Variants in SLC5A4 observed in about 807,000 individuals in gnomAD.
SLC5A4 encodes the protein probable glucose sensor protein SLC5A4.
SLC5A4 carries 55 observed loss-of-function variants against 70.3 expected under a neutral mutation model. The ratio of observed to expected loss-of-function variants is 0.78; its 90% CI spans 0.63 to 0.98. The LOEUF is 0.98. SLC5A4 is among the 50% of genes least tolerant of loss of function. The pLI is 0.00. For missense variants in SLC5A4, 735 were observed against 839.2 expected, an observed-to-expected ratio of 0.88 and a Z score of 1.53; for synonymous variants, 268 against 305.7, an observed-to-expected ratio of 0.88 and a Z score of 1.29.
At chr22:32,244,717 T>C (rs889690426) in intron 5 of SLC5A4, among the ~76,000 whole-genome samples, 1 of 152,028 alleles carries the variant, frequency 6.6e-6, no homozygotes, top group African/African-American at 2.4e-5. Flanking sequence ...TTGGTAGAGA[T>C]AAGGGTCTCA....
In SLC5A4 at chr22:32,224,267, A is replaced by C; in HGVS notation, c.1665T>G (p.His555Gln). 7.5e-6 allele frequency: 12 copies of C among 1,604,668 alleles called. No individual in the cohort carries two copies. The highest frequency in any genetic ancestry group is 9.4e-6 in the Non-Finnish European group (11 of 1,171,556). ...CATGTATTCATTACTCATCACTCAC[A>C]TGTACATCAGGAATGGGTTTTGTTA... The part of the protein sequence containing the change: ...SLLTKPIPDV[H>Q]LYRLCWVLRN... The change falls in exon 13 of 15, where the codon CAT becomes CAG. Residue 555 changes from histidine to glutamine, a missense_variant and splice_region_variant. His to Gln is a conservative substitution (Grantham distance 24, BLOSUM62 0). Transcript: ENST00000266086.
rs1465568086 is a variant in SLC5A4, at chr22:32,225,636, T to G, written c.1449+19A>C. 1 of 1,558,860 alleles carries G rather than the reference T, an allele frequency of 6.4e-7. No individual in the cohort carries two copies. Among genetic ancestry groups the G allele is most frequent in the African/African-American group, 1.4e-5 (1 of 72,212 alleles). ...TTTCTCACTCCAGCAGGGAAACTTTTTTTCCAGTTTTCACTCACCTGTTCA... is the reference window on the plus strand; with the variant it reads ...TTTCTCACTCCAGCAGGGAAACTTTGTTTCCAGTTTTCACTCACCTGTTCA... On this transcript the variant is annotated intron_variant, in intron 12 of 14. Coordinates refer to ENST00000266086, the MANE Select transcript of SLC5A4 (RefSeq NM_014227.3).
chr22:32,258,578 A>T (rs1733694944), upstream of SLC5A4, among the ~76,000 whole-genome samples: 1 of 152,138 alleles, frequency 6.6e-6, no homozygotes, highest in Non-Finnish European at 1.5e-5. Context: ...AAAAAAAAGA[A>T]AAAAAAGACA....
At chr22:32,244,520 T>C (rs1487265768) in intron 5 of SLC5A4, among the ~76,000 whole-genome samples, 1 of 152,216 alleles carries the variant, frequency 6.6e-6, no homozygotes, top group Non-Finnish European at 1.5e-5. Flanking sequence ...TGTAAGTAGT[T>C]GACATATTAT....
the SLC5A4 span, among the ~76,000 whole-genome samples, chr22:32,312,587 C>T: frequency 6.6e-6 from 1 of 152,084 alleles, no homozygotes; most frequent in Non-Finnish European, 1.5e-5. Flanking sequence ...CAAAACAGGA[C>T]TATCGCTTGT....
the SLC5A4 span, among the ~76,000 whole-genome samples, chr22:32,318,227 GTTGA>G: frequency 1.3e-5 from 2 of 149,560 alleles, no homozygotes; most frequent in African/African-American, 5.0e-5. Context: ...AACAGCATAT[GTTGA>G]TTTTTTTTTT....
chr22:32,340,651 C>T, the SLC5A4 span, among the ~76,000 whole-genome samples: 1 of 152,162 alleles, frequency 6.6e-6, no homozygotes, highest in Non-Finnish European at 1.5e-5. Flanking sequence ...GGAAGGGAGG[C>T]ATGAGCCCTG....
chr22:32,330,985 TGGGGGCTCTGGTG>T, the SLC5A4 span, among the ~76,000 whole-genome samples: 46 of 14,278 alleles, frequency 3.2e-3, 1 homozygote, highest in Non-Finnish European at 2.9e-3. Flanking sequence ...GTGTGTGTGT[TGGGGGCTCTGGTG>T]TGTGTGTTGG....
chr22:32,257,962 G>T (rs930249170), upstream of SLC5A4, among the ~76,000 whole-genome samples: 5 of 151,454 alleles, frequency 3.3e-5, no homozygotes, highest in Non-Finnish European at 7.4e-5. Flanking sequence ...GAGCCACCTC[G>T]CCCAGCTAAG....
At position 32,254,632 on chromosome 22, in the gene SLC5A4, G is replaced by A. The variant is rs576250853; in HGVS notation, c.136-419C>T. Among the ~76,000 whole-genome samples, 6 of 151,990 alleles carry A rather than the reference G, an allele frequency of 3.9e-5. No individual in the cohort carries two copies. In the South Asian group the frequency reaches 8.3e-4, roughly 21 times the overall value. On this transcript the variant is annotated intron_variant, in intron 1 of 14. Coordinates refer to ENST00000266086, the MANE Select transcript of SLC5A4 (RefSeq NM_014227.3). ...ATCCTGGCCAACATGGTGAAACCCC[G>A]TCTCTACTAAAAATACAAAAAGTTA...
chr22:32,327,767 G>A, the SLC5A4 span, among the ~76,000 whole-genome samples: 8 of 152,276 alleles, frequency 5.3e-5, no homozygotes, highest in South Asian at 2.1e-4. Context: ...GTGTCCTGAC[G>A]GATGTAGTCA....
the SLC5A4 span, among the ~76,000 whole-genome samples, chr22:32,342,424 A>T: frequency 6.6e-6 from 1 of 152,180 alleles, no homozygotes; most frequent in Non-Finnish European, 1.5e-5. Context: ...GACCTGGTAG[A>T]TATAACTATA....
chr22:32,326,521 C>T, the SLC5A4 span, among the ~76,000 whole-genome samples: 1 of 152,068 alleles, frequency 6.6e-6, no homozygotes, highest in African/African-American at 2.4e-5. Context: ...TCTCAAAGTG[C>T]TGGGATTACA....
chr22:32,239,158 G>A, intron 5 of SLC5A4, 68 bp from the exon 6 acceptor site: 1 of 1,111,568 alleles, frequency 9.0e-7, no homozygotes, highest in Non-Finnish European at 1.4e-6. Flanking sequence ...CTGCCCCAAT[G>A]TCCACTCTAC....
the SLC5A4 span, among the ~76,000 whole-genome samples, chr22:32,306,459 C>T: frequency 1.7e-4 from 17 of 101,850 alleles, no homozygotes; most frequent in African/African-American, 8.6e-4. Flanking sequence ...GAGCAAGACT[C>T]GGTCTCAAAA....
chr22:32,343,438 ACAACACGGTAAAAG>A, the SLC5A4 span, among the ~76,000 whole-genome samples: 22 of 152,194 alleles, frequency 1.4e-4, no homozygotes, highest in Admixed American at 1.4e-3. Context: ...GATGAGAAAA[ACAACACGGTAAAAG>A]CAACACTCTA....
At chr22:32,277,924 G>T in the SLC5A4 span, among the ~76,000 whole-genome samples, 1 of 152,090 alleles carries the variant, frequency 6.6e-6, no homozygotes, top group African/African-American at 2.4e-5. Flanking sequence ...ATTGAATTAG[G>T]CAACTCATAA....
At chr22:32,325,186 C>A in the SLC5A4 span, among the ~76,000 whole-genome samples, 3 of 152,276 alleles carry the variant, frequency 2.0e-5, no homozygotes, top group Admixed American at 2.0e-4. Flanking sequence ...TAAGCCAAAA[C>A]TGTGGCGCCT....
intron 5 of SLC5A4, among the ~76,000 whole-genome samples, chr22:32,243,629 T>C (rs998334090): frequency 1.3e-5 from 2 of 152,176 alleles, no homozygotes; most frequent in African/African-American, 2.4e-5. Context: ...CTGGATCAGG[T>C]AGAATCATCA....
Sources: allele counts gnomAD v4.1 joint callset (sites outside exome capture counted in the v4.1 genomes callset), GRCh38; gene constraint gnomAD v4.1.1; transcripts MANE v1.5; gene names NCBI Gene and HGNC (gene_info 2026-07-23, HGNC 2026-07-21).